The following MCC variants were observed in gnomAD, a reference collection of about 807,000 sequenced individuals.
MCC encodes the protein colorectal mutant cancer protein.
MCC carries 90 observed loss-of-function variants against 116.2 expected under a neutral mutation model. The observed-to-expected ratio is 0.77, with a 90% CI of 0.65 to 0.92. MCC has a LOEUF of 0.92. MCC is among the 40% of genes least tolerant of loss of function. MCC has a pLI of 0.00. For missense variants in MCC, 1,516 were observed against 1,312.2 expected (o/e 1.16, Z -2.40); for synonymous variants, 578 against 510.5 (o/e 1.13, Z -1.78).
intron 3 of MCC, among the ~76,000 whole-genome samples, chr5:113,286,717 A>G (rs1195141898): frequency 6.6e-6 from 1 of 152,252 alleles, no homozygotes; most frequent in African/African-American, 2.4e-5. Context: ...TGGAATTAAT[A>G]GCTGCTAACT....
At chr5:113,151,209 A>T in intron 4 of MCC, 100 bp downstream of exon 4, 1 of 706,032 alleles carries the variant, frequency 1.4e-6, no homozygotes, top group Non-Finnish European at 2.4e-6. Context: ...ATAAAGCTGT[A>T]ATTTGTTTTG....
intron 3 of MCC, among the ~76,000 whole-genome samples, chr5:113,198,525 T>A (rs1448134881): frequency 7.4e-6 from 1 of 134,504 alleles, no homozygotes; most frequent in African/African-American, 3.1e-5. Flanking sequence ...TGAGACTCTG[T>A]CCCTACAAAT....
intron 14 of MCC, among the ~76,000 whole-genome samples, chr5:113,056,291 G>A (rs1158277151): frequency 6.6e-6 from 1 of 152,148 alleles, no homozygotes; most frequent in Non-Finnish European, 1.5e-5. Context: ...AAAATTAGAA[G>A]TGTTTGTAAT....
intron 3 of MCC, among the ~76,000 whole-genome samples, chr5:113,187,688 G>A (rs2150312028): frequency 6.6e-6 from 1 of 151,536 alleles, no homozygotes; most frequent in East Asian, 1.9e-4. Flanking sequence ...CCAGGAGGCG[G>A]AGCTTGCAGT....
intron 3 of MCC, among the ~76,000 whole-genome samples, chr5:113,227,702 G>T (rs1013864573): frequency 1.3e-5 from 2 of 152,126 alleles, no homozygotes; most frequent in African/African-American, 4.8e-5. Context: ...TCATAAGCAA[G>T]ATCCAAATCT....
At chr5:113,227,148 C>A (rs1763771231) in intron 3 of MCC, among the ~76,000 whole-genome samples, 1 of 152,160 alleles carries the variant, frequency 6.6e-6, no homozygotes, top group Admixed American at 6.5e-5. Flanking sequence ...AGCATTAGAG[C>A]ATTACAAAGC....
intron 2 of MCC, among the ~76,000 whole-genome samples, chr5:113,344,158 A>T (rs554590083): frequency 6.6e-6 from 1 of 152,186 alleles, no homozygotes; most frequent in African/African-American, 2.4e-5. Context: ...TTGGCATTGA[A>T]CTCAGTGCTG....
chr5:113,207,928 A>G (rs1411093523), intron 3 of MCC, among the ~76,000 whole-genome samples: 5 of 152,180 alleles, frequency 3.3e-5, no homozygotes, highest in Non-Finnish European at 5.9e-5. Context: ...GGCCTGAGCT[A>G]CTGGGGACTT....
chr5:113,456,623 A>AATT (rs1771555735), intron 1 of MCC, among the ~76,000 whole-genome samples: 1 of 51,066 alleles, frequency 2.0e-5, no homozygotes, highest in African/African-American at 7.6e-5. Flanking sequence ...TGCCCAGCTA[A>AATT]TTTTTTTTTT....
chr5:113,118,802 A>G (rs1207439952), intron 6 of MCC, among the ~76,000 whole-genome samples: 1 of 152,228 alleles, frequency 6.6e-6, no homozygotes, highest in East Asian at 1.9e-4. Flanking sequence ...GTTCCGATGA[A>G]CAAACACACT....
In MCC at chr5:113,026,869, A is replaced by T. The variant is rs1169439855; in HGVS notation, c.*433T>A. 6.3e-6 allele frequency: 1 copy of T among 158,000 alleles called. No homozygotes were observed. The highest frequency in any genetic ancestry group is 1.4e-5 in the Non-Finnish European group (1 of 72,066). The allele number at this position is 158,000 out of a possible 1,614,324, so 9.8% of individuals were successfully genotyped here. A position where few individuals can be genotyped will look rare whatever the true frequency, so the allele number is the denominator to read the frequency against. ...GAGGCACACACAGGTCTGTTTTCCCATGAAGCAGGAGGAAAGAGGAGAAAC... is the reference window on the plus strand; with the variant it reads ...GAGGCACACACAGGTCTGTTTTCCCTTGAAGCAGGAGGAAAGAGGAGAAAC... On this transcript the variant is annotated 3_prime_UTR_variant, in exon 19 of 19. Transcript: ENST00000408903.
intron 3 of MCC, among the ~76,000 whole-genome samples, chr5:113,282,662 A>T (rs1179347176): frequency 6.6e-6 from 1 of 152,206 alleles, no homozygotes; most frequent in Admixed American, 6.5e-5. Context: ...CCCTGTTAAT[A>T]ATCAGCCCAG....
chr5:113,349,078 G>T (rs190945217), intron 2 of MCC, among the ~76,000 whole-genome samples: 3 of 152,036 alleles, frequency 2.0e-5, no homozygotes, highest in Non-Finnish European at 2.9e-5. Context: ...TTCCAGTAAA[G>T]AAATGCTGGG....
chr5:113,446,807 A>T (rs73241741), intron 1 of MCC, among the ~76,000 whole-genome samples: 2,097 of 152,288 alleles, frequency 0.014, 57 homozygotes, highest in African/African-American at 0.048. Context: ...ACTGGCAGGG[A>T]GGGAGAGGGC....
intron 2 of MCC, among the ~76,000 whole-genome samples, chr5:113,383,488 T>C (rs1769175872): frequency 1.3e-5 from 2 of 152,122 alleles, no homozygotes; most frequent in Admixed American, 6.5e-5. Flanking sequence ...GCAGAAGATA[T>C]GTGGAAAAAT....
intron 2 of MCC, among the ~76,000 whole-genome samples, chr5:113,354,717 A>T (rs1432164053): frequency 6.6e-6 from 1 of 151,530 alleles, no homozygotes; most frequent in Non-Finnish European, 1.5e-5. Flanking sequence ...TACAGGCATG[A>T]GCCACCGTGC....
At chr5:113,433,794 G>C (rs377747657) in intron 1 of MCC, 26 of 1,613,782 alleles carry the variant, frequency 1.6e-5, no homozygotes, top group Non-Finnish European at 2.0e-5. Flanking sequence ...CTCCATAGTC[G>C]ACGGCTTGCT....
At chr5:113,173,965 C>A (rs1413409207) in intron 3 of MCC, among the ~76,000 whole-genome samples, 1 of 152,102 alleles carries the variant, frequency 6.6e-6, no homozygotes, top group African/African-American at 2.4e-5. Context: ...TACATTACTG[C>A]AACAGCAACA....
At chr5:113,208,054 A>C (rs1209877119) in intron 3 of MCC, among the ~76,000 whole-genome samples, 1 of 152,002 alleles carries the variant, frequency 6.6e-6, no homozygotes, top group Non-Finnish European at 1.5e-5. Flanking sequence ...CATACTTTCC[A>C]CTTTGTATGA....
Sources: allele counts gnomAD v4.1 joint callset (sites outside exome capture counted in the v4.1 genomes callset), GRCh38; gene constraint gnomAD v4.1.1; transcripts MANE v1.5; gene names NCBI Gene and HGNC (gene_info 2026-07-23, HGNC 2026-07-21).